The following SUMF1 variants were observed in gnomAD, a reference collection of about 807,000 sequenced individuals.
SUMF1 encodes the protein formylglycine-generating enzyme.
A neutral mutation model predicts 47.6 loss-of-function variants in SUMF1; 48 were observed. The ratio of observed to expected loss-of-function variants is 1.01; its 90% confidence interval spans 0.80 to 1.28. SUMF1 has a LOEUF of 1.28. Ranked by LOEUF, SUMF1 falls within the 50% of genes most tolerant of loss-of-function variation. The probability of loss-of-function intolerance (pLI) is 0.00; values close to 1 mark genes in which losing one functional copy is unlikely to be tolerated. For synonymous variants in SUMF1, 230 were observed against 192.1 expected (o/e 1.20, Z -1.63); for missense variants, 571 against 485.4 (o/e 1.18, Z -1.66).
intron 8 of SUMF1, among the ~76,000 whole-genome samples, chr3:4,161,201 G>A (rs1694568537): frequency 6.6e-6 from 1 of 152,132 alleles, no homozygotes; most frequent in Admixed American, 6.5e-5. Context: ...TTTGTGCTGT[G>A]CTGCCTGGAG....
At chr3:4,159,322 G>T (rs1694523505) in intron 8 of SUMF1, among the ~76,000 whole-genome samples, 1 of 147,570 alleles carries the variant, frequency 6.8e-6, no homozygotes. Context: ...TTTTATTTGA[G>T]GTTACCATGA....
At chr3:4,188,804 A>T (rs1695255820) in intron 8 of SUMF1, among the ~76,000 whole-genome samples, 1 of 152,200 alleles carries the variant, frequency 6.6e-6, no homozygotes, top group South Asian at 2.1e-4. Context: ...CATCCATGTA[A>T]AACATTTTGA....
chr3:4,417,288 T>G, intron 5 of SUMF1, 46 bp from the exon 6 acceptor site: 654 of 1,561,234 alleles, frequency 4.2e-4, no homozygotes, highest in Non-Finnish European at 5.3e-4. Context: ...AGGCACAGGT[T>G]TTGGATGAAA....
chr3:4,136,651 C>T (rs1574915677), intron 8 of SUMF1, among the ~76,000 whole-genome samples: 1 of 151,346 alleles, frequency 6.6e-6, no homozygotes, highest in East Asian at 1.9e-4. Context: ...AGCTTCCGCA[C>T]AGCAAAAGAA....
Position 4,324,197 on chromosome 3 carries a change from C to T in SUMF1, c.1014+52133G>A, listed in dbSNP as rs148363685. On this transcript the variant is annotated intron_variant and NMD_transcript_variant, in intron 8 of 12. Coordinates refer to the SUMF1 transcript ENST00000448413. Reference sequence around the variant, plus strand: ...TTTCAACTCTGTCTCAGCAGAGTGACGCTTTCTCAAATTGAAATTAATTAA... The same window carrying T: ...TTTCAACTCTGTCTCAGCAGAGTGATGCTTTCTCAAATTGAAATTAATTAA... Among the ~76,000 whole-genome samples the T allele has an allele frequency of 4.6e-3, 696 of 151,964 alleles. 7 individuals carry two copies. Among genetic ancestry groups the T allele is most frequent in the African/African-American group, 0.016 (668 of 41,468 alleles).
chr3:4,262,826 A>C (rs1697114644), intron 8 of SUMF1, among the ~76,000 whole-genome samples: 1 of 152,168 alleles, frequency 6.6e-6, no homozygotes, highest in South Asian at 2.1e-4. Context: ...GGCGAGGTCC[A>C]CCCCAACCAC....
At position 4,098,305 on chromosome 3, in the gene SUMF1, C is replaced by A. The variant is rs1412165742; in HGVS notation, c.1015-29560G>T. 7.6e-4 allele frequency among the ~76,000 whole-genome samples: 116 copies of A among 152,020 alleles called. 1 individual carries two copies. The highest frequency in any genetic ancestry group is 1.5e-5 in the Non-Finnish European group (1 of 68,010). On this transcript the variant is annotated intron_variant and NMD_transcript_variant, in intron 8 of 12. Coordinates refer to the SUMF1 transcript ENST00000448413. ...ATTTAGAAGCAAGTATGTTTCTAAG[C>A]CCATATCTCTAACAAGGTAGACTCA...
intron 9 of SUMF1, among the ~76,000 whole-genome samples, chr3:4,067,860 C>T (rs1574854183): frequency 6.6e-6 from 1 of 152,098 alleles, no homozygotes; most frequent in African/African-American, 2.4e-5. Flanking sequence ...CCCCAGAGCA[C>T]AGAACAAGGT....
chr3:4,197,069 T>C (rs1399928652), intron 8 of SUMF1, among the ~76,000 whole-genome samples: 8 of 152,076 alleles, frequency 5.3e-5, no homozygotes, highest in Middle Eastern at 3.2e-3. Context: ...ACTGTCATAA[T>C]TTGGAAATGA....
chr3:4,303,705 C>T, intron 8 of SUMF1: 5 of 1,502,896 alleles, frequency 3.3e-6, no homozygotes, highest in Non-Finnish European at 4.5e-6. Context: ...TGTTGACCCA[C>T]GGCATCACCT....
At chr3:4,455,926 A>G (rs1703145597) in intron 1 of SUMF1, among the ~76,000 whole-genome samples, 1 of 152,170 alleles carries the variant, frequency 6.6e-6, no homozygotes, top group Non-Finnish European at 1.5e-5. Flanking sequence ...CTAGAAGAAA[A>G]AAAAATACAG....
rs1327945306 is a variant in SUMF1 at position 4,151,421 on chromosome 3, G to GTGTATACATGTGTATATATGTATATA, written c.1015-82702_1015-82677dup. ...TATGTATATGTATATATGTATATAT[G>GTGTATACATGTGTATATATGTATATA]TGTATACATGTGTATATATGTATAT... On this transcript the variant is annotated intron_variant and NMD_transcript_variant, in intron 8 of 12. Coordinates refer to the SUMF1 transcript ENST00000448413. Among the ~76,000 whole-genome samples, 448 of 50,976 alleles carry GTGTATACATGTGTATATATGTATATA rather than the reference G, an allele frequency of 8.8e-3. 16 individuals carry two copies. The highest frequency in any genetic ancestry group is 0.025 in the African/African-American group (419 of 16,548). 33.4% of individuals were successfully genotyped at this position (50,976 alleles called of 152,430 possible).
chr3:4,444,685 G>C (rs1021905983), intron 3 of SUMF1, among the ~76,000 whole-genome samples: 25 of 152,150 alleles, frequency 1.6e-4, no homozygotes, highest in African/African-American at 5.6e-4. Context: ...GTGGAAGAAA[G>C]GAGATAGATG....
At chr3:4,284,394 C>T (rs1347509152) in intron 8 of SUMF1, among the ~76,000 whole-genome samples, 2 of 138,468 alleles carry the variant, frequency 1.4e-5, no homozygotes, top group Non-Finnish European at 3.1e-5. Context: ...GCCTGGATGA[C>T]AAAATGAGAC....
At chr3:4,301,501 G>A (rs776816410) in intron 8 of SUMF1, among the ~76,000 whole-genome samples, 1 of 152,210 alleles carries the variant, frequency 6.6e-6, no homozygotes, top group Non-Finnish European at 1.5e-5. Flanking sequence ...GGGATATGGA[G>A]AATGACAGAC....
intron 9 of SUMF1, among the ~76,000 whole-genome samples, chr3:4,067,454 A>C (rs1378261488): frequency 6.6e-6 from 1 of 152,166 alleles, no homozygotes; most frequent in African/African-American, 2.4e-5. Flanking sequence ...CTTCTAGATG[A>C]TGTTGCACAT....
chr3:4,397,933 C>T (rs773916316), intron 7 of SUMF1, among the ~76,000 whole-genome samples: 7 of 152,112 alleles, frequency 4.6e-5, no homozygotes, highest in Non-Finnish European at 8.8e-5. Context: ...ACAGCCTCTA[C>T]CCTAGACATT....
chr3:4,250,319 G>A (rs920127180), intron 8 of SUMF1, among the ~76,000 whole-genome samples: 3 of 148,068 alleles, frequency 2.0e-5, no homozygotes, highest in African/African-American at 7.5e-5. Context: ...AGGGAGAGAA[G>A]AAGGGAGGGA....
intron 8 of SUMF1, among the ~76,000 whole-genome samples, chr3:4,069,673 T>A (rs1695471957): frequency 6.6e-6 from 1 of 152,032 alleles, no homozygotes; most frequent in Admixed American, 6.6e-5. Context: ...TGGCCCAAAT[T>A]CCTACCTAAG....
Sources: allele counts gnomAD v4.1 joint callset (sites outside exome capture counted in the v4.1 genomes callset), GRCh38; gene constraint gnomAD v4.1.1; transcripts MANE v1.5; gene names NCBI Gene and HGNC (gene_info 2026-07-23, HGNC 2026-07-21).